The following SLC17A4 variants were observed in gnomAD, a reference collection of about 807,000 sequenced individuals.
The protein encoded by SLC17A4 is solute carrier family 17 member 4.
In SLC17A4, 33 loss-of-function variants were observed where a neutral mutation model predicts 52.5. That is an observed-to-expected ratio of 0.63 (90% CI 0.48 to 0.84). The LOEUF (loss-of-function observed/expected upper bound fraction) is 0.84. Among genes scored for constraint, SLC17A4 ranks in the 40% least tolerant of loss-of-function variants. The pLI is 0.00. For synonymous variants in SLC17A4, 225 were observed against 216.2 expected, an observed-to-expected ratio of 1.04 and a Z score of -0.36; for missense variants, 585 against 597.1, an observed-to-expected ratio of 0.98 and a Z score of 0.21.
At chr6:25,768,956 T>A (rs1368292637) in intron 2 of SLC17A4, 29 bp from the exon 3 acceptor site, 3 of 1,603,724 alleles carry the variant, frequency 1.9e-6, no homozygotes, top group African/African-American at 2.7e-5. Flanking sequence ...GCATTCTGAT[T>A]GTGATTTTTC....
chr6:25,779,892 G>A lies in SLC17A4; in HGVS notation c.*704G>A, dbSNP rs528085170. The A allele has an allele frequency of 6.6e-6, 1 of 152,284 alleles. No individual in the cohort carries two copies. Among genetic ancestry groups the A allele is most frequent in the Admixed American group, 6.5e-5 (1 of 15,278 alleles). 9.4% of individuals were successfully genotyped at this position (152,284 alleles called of 1,614,324 possible). On this transcript the variant is annotated 3_prime_UTR_variant, in exon 12 of 12. Coordinates refer to ENST00000377905, the MANE Select transcript of SLC17A4 (RefSeq NM_005495.3). The stretch of plus-strand genomic sequence containing the variant: ...CATGTTAGTGAACAGACATTGCCCA[G>A]TGTCTCTTCTAGCCCCTCCAACAGT...
At chr6:25,768,493 G>A (rs1163799901) in intron 2 of SLC17A4, 1 of 628,034 alleles carries the variant, frequency 1.6e-6, no homozygotes, top group African/African-American at 2.0e-5. Flanking sequence ...TCTAACCATA[G>A]CCTATCTTTC....
chr6:25,757,123 G>T (rs762209941), intron 1 of SLC17A4, among the ~76,000 whole-genome samples: 1 of 152,120 alleles, frequency 6.6e-6, no homozygotes, highest in Non-Finnish European at 1.5e-5. Flanking sequence ...AGACTAGAGG[G>T]TTCCATGGTC....
At chr6:25,777,871 G>A in intron 10 of SLC17A4, 55 bp from the exon 11 acceptor site, 1 of 1,459,182 alleles carries the variant, frequency 6.9e-7, no homozygotes, top group Non-Finnish European at 9.6e-7. Flanking sequence ...CGGGTATTGA[G>A]ACTTTCAAAC....
intron 2 of SLC17A4, chr6:25,768,310 A>T (rs1454330511): frequency 7.5e-6 from 7 of 928,454 alleles, no homozygotes; most frequent in Non-Finnish European, 9.0e-6. Context: ...TTGTGATCAT[A>T]CATTACCTCT....
chr6:25,770,662 G>T (rs1006854914), intron 5 of SLC17A4, among the ~76,000 whole-genome samples, 191 bp downstream of exon 5: 5 of 152,132 alleles, frequency 3.3e-5, no homozygotes, highest in Admixed American at 2.0e-4. Context: ...AAACATTCTT[G>T]TGTTTTGCAC....
chr6:25,762,313 A>G (rs1761611675), intron 2 of SLC17A4, among the ~76,000 whole-genome samples: 1 of 152,214 alleles, frequency 6.6e-6, no homozygotes. Context: ...AAATCAGAAC[A>G]GGTTCTAAGT....
chr6:25,776,765 G>C (rs1226400024), intron 9 of SLC17A4, 38 bp downstream of exon 9: 1 of 1,613,820 alleles, frequency 6.2e-7, no homozygotes, highest in African/African-American at 1.3e-5. Flanking sequence ...AACGTGGGAA[G>C]CTCAGAGCAG....
Position 25,779,241 on chromosome 6 carries a change from T to C in SLC17A4, c.*53T>C. ...GTGCTTAGTTCATCATTGTTTTCCC[T>C]CACAGACATTTCTCTTTCATGCCTG... On this transcript the variant is annotated 3_prime_UTR_variant, in exon 12 of 12. Coordinates refer to ENST00000377905, the MANE Select transcript of SLC17A4 (RefSeq NM_005495.3). The C allele has an allele frequency of 6.2e-7, 1 of 1,602,760 alleles. No homozygotes were observed. Among genetic ancestry groups the C allele is most frequent in the Non-Finnish European group, 8.5e-7 (1 of 1,173,166 alleles).
At chr6:25,778,887 GA>G in intron 11 of SLC17A4, among the ~76,000 whole-genome samples, 166 bp from the exon 12 acceptor site, 1 of 152,302 alleles carries the variant, frequency 6.6e-6, no homozygotes, top group Admixed American at 6.5e-5. Context: ...CAGTGCTTTG[GA>G]CTCATGGCAG....
intron 8 of SLC17A4, among the ~76,000 whole-genome samples, chr6:25,774,012 A>G (rs1176370262): frequency 6.6e-6 from 1 of 152,174 alleles, no homozygotes; most frequent in Admixed American, 6.6e-5. Context: ...TGCAAACAAG[A>G]TGCTCTGCTG....
chr6:25,764,493 G>A (rs1360628276), intron 2 of SLC17A4, among the ~76,000 whole-genome samples: 1 of 152,162 alleles, frequency 6.6e-6, no homozygotes, highest in African/African-American at 2.4e-5. Context: ...TGAAACTAAG[G>A]AATTATTCCT....
intron 2 of SLC17A4, among the ~76,000 whole-genome samples, chr6:25,763,584 T>A (rs1215823456): frequency 1.3e-5 from 2 of 152,182 alleles, no homozygotes; most frequent in Non-Finnish European, 2.9e-5. Flanking sequence ...CAAAGGCCAC[T>A]CATATCTTTG....
At chr6:25,763,162 CT>C (rs1365885300) in intron 2 of SLC17A4, among the ~76,000 whole-genome samples, 7 of 152,110 alleles carry the variant, frequency 4.6e-5, no homozygotes, top group Admixed American at 4.6e-4. Context: ...TTTCTGGTTC[CT>C]TCTATAGTCT....
intron 1 of SLC17A4, among the ~76,000 whole-genome samples, chr6:25,758,825 T>C (rs1313837647): frequency 6.6e-6 from 1 of 152,212 alleles, no homozygotes; most frequent in Non-Finnish European, 1.5e-5. Flanking sequence ...GGTTATTTCT[T>C]TTCTTCTGCT....
At chr6:25,769,984 T>A in intron 3 of SLC17A4, 83 bp from the exon 4 acceptor site, 1 of 1,179,036 alleles carries the variant, frequency 8.5e-7, no homozygotes, top group East Asian at 2.3e-5. Context: ...TAACTGCCAA[T>A]TAATTTTTGC....
chr6:25,768,496 T>C, intron 2 of SLC17A4: 2 of 610,552 alleles, frequency 3.3e-6, no homozygotes, highest in Non-Finnish European at 4.2e-6. Flanking sequence ...AACCATAGCC[T>C]ATCTTTCAAG....
chr6:25,768,185 C>A (rs544185723), intron 2 of SLC17A4, among the ~76,000 whole-genome samples: 5 of 152,104 alleles, frequency 3.3e-5, no homozygotes, highest in African/African-American at 9.7e-5. Flanking sequence ...CAGAGTTGAA[C>A]CAAAGGTAAG....
In SLC17A4 at chr6:25,779,152, G is replaced by A; in HGVS notation, c.1458G>A (p.Gln486=). ...FYLIFGRADV[Q]DWAKEQTFTH... is the part of the protein sequence containing the mutation. ...TCATCTTTGGCCGAGCAGATGTGCA[G>A]GACTGGGCTAAAGAGCAGACATTCA... The change falls in exon 12 of 12, where the codon CAG becomes CAA. Residue 486 remains glutamine (Q), a synonymous_variant. Transcript: ENST00000377905. 1 of 1,613,874 alleles carries A rather than the reference G, an allele frequency of 6.2e-7. No homozygotes were observed. Among genetic ancestry groups the A allele is most frequent in the Non-Finnish European group, 8.5e-7 (1 of 1,179,810 alleles).
Sources: gnomAD v4.1 joint callset for allele counts (sites outside exome capture counted in the v4.1 genomes callset) on GRCh38, gnomAD v4.1.1 for gene constraint, MANE v1.5 for transcripts, NCBI Gene and HGNC (gene_info 2026-07-23, HGNC 2026-07-21) for gene names.